Variants in EHF observed in about 807,000 individuals in gnomAD.
EHF encodes the protein ETS homologous factor, also known as ESE3 transcription factor.
EHF carries 14 observed loss-of-function variants against 45.1 expected under a neutral mutation model. That is an observed-to-expected ratio of 0.31 (90% CI 0.21 to 0.49). The LOEUF is 0.49. EHF is among the 20% of genes least tolerant of loss of function. The pLI is 0.99. For missense variants in EHF, 282 were observed against 371.4 expected, an observed-to-expected ratio of 0.76 and a Z score of 1.98; for synonymous variants, 136 against 131.8, an observed-to-expected ratio of 1.03 and a Z score of -0.22.
intron 1 of EHF, among the ~76,000 whole-genome samples, chr11:34,630,160 A>T (rs983840357): frequency 1.5e-4 from 23 of 152,228 alleles, no homozygotes; most frequent in Non-Finnish European, 2.9e-5. Flanking sequence ...AATTAAAAGT[A>T]TAACGTCCTA....
chr11:34,631,606 G>A, intron 1 of EHF: 1 of 982,474 alleles, frequency 1.0e-6, no homozygotes, highest in African/African-American at 1.7e-5. Flanking sequence ...GAGATGAGTG[G>A]GTCTACACAG....
intron 6 of EHF, among the ~76,000 whole-genome samples, chr11:34,654,525 A>T (rs1049901697): frequency 1.3e-5 from 2 of 152,124 alleles, no homozygotes; most frequent in Non-Finnish European, 1.5e-5. Context: ...ATTCCCCTTT[A>T]TGATGATGGA....
chr11:34,643,065 G>GGT (rs76080001), intron 2 of EHF, among the ~76,000 whole-genome samples: 22,261 of 144,938 alleles, frequency 0.15, 1,695 homozygotes, highest in East Asian at 0.27. Context: ...GGAGAGAAAG[G>GGT]GTATGTGTGT....
intron 1 of EHF, chr11:34,632,659 C>A: frequency 1.3e-6 from 2 of 1,535,548 alleles, no homozygotes; most frequent in South Asian, 2.4e-5. Context: ...CAAGGTTGGT[C>A]ATTCTCAAAT....
At chr11:34,644,514 G>T (rs781444848) in intron 2 of EHF, among the ~76,000 whole-genome samples, 33 of 152,166 alleles carry the variant, frequency 2.2e-4, no homozygotes, top group Non-Finnish European at 4.0e-4. Flanking sequence ...CTTTTGTTTC[G>T]CCATGAGGTA....
At chr11:34,627,922 G>C (rs1852518405) in intron 1 of EHF, among the ~76,000 whole-genome samples, 1 of 152,170 alleles carries the variant, frequency 6.6e-6, no homozygotes, top group Non-Finnish European at 1.5e-5. Context: ...GTGGGTATTT[G>C]ATATCAAGTT....
intron 1 of EHF, among the ~76,000 whole-genome samples, chr11:34,641,231 A>G (rs2134093326): frequency 6.6e-6 from 1 of 152,294 alleles, no homozygotes; most frequent in South Asian, 2.1e-4. Flanking sequence ...ACCAAGCAAC[A>G]GTGATGATGA....
Position 34,658,690 on chromosome 11 carries a change from C to T in EHF, c.765C>T (p.Asn255=). The T allele has an allele frequency of 6.2e-7, 1 of 1,613,698 alleles. No homozygotes were observed. The highest frequency in any genetic ancestry group is 1.7e-5 in the Admixed American group (1 of 59,972). ...VAQLWGKKKN[N]SSMTYEKLSR... The stretch of plus-strand genomic sequence containing the variant: ...AGCTATGGGGTAAAAAGAAGAACAA[C>T]AGCAGCATGACCTATGAAAAGCTCA... The change falls in exon 8 of 9, where the codon AAC becomes AAT. Residue 255 remains asparagine (N), a synonymous_variant. Transcript: ENST00000257831.
At chr11:34,641,259 C>T (rs1354904027) in intron 1 of EHF, among the ~76,000 whole-genome samples, 1 of 152,176 alleles carries the variant, frequency 6.6e-6, no homozygotes, top group Non-Finnish European at 1.5e-5. Flanking sequence ...AATCATCATA[C>T]ATGTTTGTGT....
intron 6 of EHF, among the ~76,000 whole-genome samples, chr11:34,656,105 C>T (rs1337829798): frequency 6.6e-6 from 1 of 152,166 alleles, no homozygotes; most frequent in East Asian, 1.9e-4. Context: ...CACACTCACA[C>T]ACACACGGCT....
chr11:34,649,802 G>T (rs1854965804), intron 4 of EHF, among the ~76,000 whole-genome samples: 1 of 152,160 alleles, frequency 6.6e-6, no homozygotes, highest in African/African-American at 2.4e-5. Flanking sequence ...CTGGGAGCCT[G>T]GGAGCCACGT....
At chr11:34,644,925 T>C (rs1185689664) in intron 2 of EHF, among the ~76,000 whole-genome samples, 2 of 152,248 alleles carry the variant, frequency 1.3e-5, no homozygotes, top group Non-Finnish European at 2.9e-5. Context: ...TGATCTGGCG[T>C]GACCTTGAAG....
At chr11:34,645,131 A>G (rs1269680708) in intron 2 of EHF, among the ~76,000 whole-genome samples, 2 of 152,080 alleles carry the variant, frequency 1.3e-5, no homozygotes, top group African/African-American at 4.8e-5. Context: ...TTTCCAAGGG[A>G]ACTGTAAGCT....
intron 1 of EHF, among the ~76,000 whole-genome samples, chr11:34,621,687 A>G (rs562924376): frequency 1.2e-4 from 18 of 152,328 alleles, no homozygotes; most frequent in Admixed American, 5.9e-4. Flanking sequence ...TATGAGCTAC[A>G]TGGAAAGGCC....
intron 3 of EHF, among the ~76,000 whole-genome samples, chr11:34,647,566 A>G (rs1164830468): frequency 6.6e-6 from 1 of 152,218 alleles, no homozygotes; most frequent in African/African-American, 2.4e-5. Context: ...AGCAATATTT[A>G]AGAACAGGGA....
Position 34,642,444 on chromosome 11 carries a change from C to T in EHF, c.-3-184C>T. On this transcript the variant is annotated intron_variant, in intron 1 of 8. Coordinates refer to ENST00000257831, the MANE Select transcript of EHF (RefSeq NM_012153.6). Reference sequence around the variant, plus strand: ...TTGCCTCATGCATATGAAAATTGAACCTGGAAATTTTTAATTGCTGTGAGT... The same window carrying T: ...TTGCCTCATGCATATGAAAATTGAATCTGGAAATTTTTAATTGCTGTGAGT... 3 of 517,600 alleles carry T rather than the reference C, an allele frequency of 5.8e-6. No homozygotes were observed. The Admixed American group carries it at 9.4e-5, about 16-fold the overall frequency. The allele number at this position is 517,600 out of a possible 1,614,324, so 32.1% of individuals were successfully genotyped here.
chr11:34,648,278 G>T (rs555546311), intron 3 of EHF, among the ~76,000 whole-genome samples: 4 of 152,170 alleles, frequency 2.6e-5, no homozygotes, highest in Admixed American at 2.0e-4. Context: ...TAAAGGCATG[G>T]CTTCTGTTCT....
At chr11:34,650,823 A>T (rs988131884) in intron 4 of EHF, among the ~76,000 whole-genome samples, 9 of 152,196 alleles carry the variant, frequency 5.9e-5, no homozygotes, top group African/African-American at 2.2e-4. Context: ...TTACCGCAGC[A>T]CACAGAAGAA....
At chr11:34,625,324 T>C (rs1852277266) in intron 1 of EHF, among the ~76,000 whole-genome samples, 1 of 152,182 alleles carries the variant, frequency 6.6e-6, no homozygotes, top group Non-Finnish European at 1.5e-5. Flanking sequence ...CAGACTGTTT[T>C]GTGATGGCAG....
Sources: allele counts gnomAD v4.1 joint callset (sites outside exome capture counted in the v4.1 genomes callset), GRCh38; gene constraint gnomAD v4.1.1; transcripts MANE v1.5; gene names NCBI Gene and HGNC (gene_info 2026-07-23, HGNC 2026-07-21).